SNTG1: variants seen among roughly 807,000 people sequenced by gnomAD.
The protein encoded by SNTG1 is gamma-1-syntrophin.
SNTG1 carries 39 observed loss-of-function variants against 74.7 expected under a neutral mutation model. The ratio of observed to expected loss-of-function variants is 0.52; its 90% CI spans 0.40 to 0.68. The LOEUF (loss-of-function observed/expected upper bound fraction) is 0.68, where lower values mean the gene tolerates loss of function less well. Ranked by LOEUF, SNTG1 falls within the 30% of genes least tolerant of loss-of-function variation. The pLI, the probability that SNTG1 is intolerant of heterozygous loss-of-function variation, is 0.00. For missense variants in SNTG1, 685 were observed against 609.5 expected (o/e 1.12, Z -1.30); for synonymous variants, 254 against 217.1 (o/e 1.17, Z -1.49).
rs571977409 is a variant in SNTG1 at position 50,756,225 on chromosome 8, G to T, written c.1395+4114G>T. On this transcript the variant is annotated intron_variant, in intron 18 of 18. Coordinates refer to ENST00000642720, the MANE Select transcript of SNTG1 (RefSeq NM_018967.5). Reference sequence around the variant, plus strand: ...TGTGTCTTTTTGCTCTCTTGAGAATGTCTTTCATAGAGCAGAAAATTTTAA... The same window carrying T: ...TGTGTCTTTTTGCTCTCTTGAGAATTTCTTTCATAGAGCAGAAAATTTTAA... Among the ~76,000 whole-genome samples the T allele has an allele frequency of 2.6e-5, 4 of 151,890 alleles. No individual in the cohort carries two copies. The South Asian group carries it at 8.3e-4, about 31-fold the overall frequency.
At chr8:50,779,024 G>A (rs573982458) in intron 18 of SNTG1, among the ~76,000 whole-genome samples, 27 of 152,106 alleles carry the variant, frequency 1.8e-4, no homozygotes, top group South Asian at 4.2e-4. Context: ...GATATGCGGC[G>A]TTATTTCTGA....
At chr8:50,535,236 T>C (rs566556912) in intron 10 of SNTG1, among the ~76,000 whole-genome samples, 2 of 152,236 alleles carry the variant, frequency 1.3e-5, no homozygotes, top group Admixed American at 1.3e-4. Flanking sequence ...ACTACAAAAC[T>C]TGCCCCCAGG....
At chr8:50,608,072 T>C (rs1317463571) in intron 13 of SNTG1, among the ~76,000 whole-genome samples, 1 of 151,686 alleles carries the variant, frequency 6.6e-6, no homozygotes, top group Non-Finnish European at 1.5e-5. Context: ...TCAGAGAACA[T>C]ATTTCACGTG....
chr8:50,221,236 G>A (rs1288836409), intron 2 of SNTG1, among the ~76,000 whole-genome samples: 1 of 151,974 alleles, frequency 6.6e-6, no homozygotes, highest in Non-Finnish European at 1.5e-5. Context: ...ATAAAAATTT[G>A]TATGACAGAG....
At chr8:50,029,068 G>A (rs1052515164) in intron 1 of SNTG1, among the ~76,000 whole-genome samples, 1 of 151,208 alleles carries the variant, frequency 6.6e-6, no homozygotes, top group East Asian at 1.9e-4. Flanking sequence ...CAAATCTTTT[G>A]TTTGTATTTT....
At chr8:50,091,260 C>T (rs2079725941) in intron 1 of SNTG1, among the ~76,000 whole-genome samples, 1 of 151,972 alleles carries the variant, frequency 6.6e-6, no homozygotes, top group African/African-American at 2.4e-5. Flanking sequence ...ACATAACGGT[C>T]TCGAATTTCT....
At chr8:50,090,275 G>C (rs1385436523) in intron 1 of SNTG1, among the ~76,000 whole-genome samples, 1 of 152,142 alleles carries the variant, frequency 6.6e-6, no homozygotes, top group Non-Finnish European at 1.5e-5. Context: ...GAATTGGTTG[G>C]CTCACGACTT....
chr8:50,226,707 A>C (rs749982277), intron 2 of SNTG1, among the ~76,000 whole-genome samples: 9 of 152,104 alleles, frequency 5.9e-5, no homozygotes, highest in Non-Finnish European at 1.3e-4. Flanking sequence ...AACCAAATCA[A>C]TGTGTTTCTT....
intron 2 of SNTG1, among the ~76,000 whole-genome samples, chr8:50,217,181 A>C (rs1417864731): frequency 6.6e-6 from 1 of 152,076 alleles, no homozygotes; most frequent in Non-Finnish European, 1.5e-5. Flanking sequence ...ATATGACTAC[A>C]TATTTAAATA....
intron 4 of SNTG1, among the ~76,000 whole-genome samples, chr8:50,437,971 A>T (rs2093321434): frequency 6.6e-6 from 1 of 152,230 alleles, no homozygotes; most frequent in African/African-American, 2.4e-5. Flanking sequence ...TTCAATTATC[A>T]TTATTACTTA....
intron 17 of SNTG1, among the ~76,000 whole-genome samples, chr8:50,750,683 G>A (rs1374847227): frequency 3.3e-5 from 5 of 151,954 alleles, no homozygotes; most frequent in African/African-American, 1.2e-4. Flanking sequence ...AGACTTGAAT[G>A]ACCCCTGGCA....
At chr8:50,285,970 A>G (rs1021715871) in intron 2 of SNTG1, among the ~76,000 whole-genome samples, 4 of 152,070 alleles carry the variant, frequency 2.6e-5, no homozygotes, top group African/African-American at 9.7e-5. Flanking sequence ...CTATTTCAAT[A>G]TTATGTTTTC....
At chr8:50,791,001 G>A (rs1422834505) in intron 18 of SNTG1, among the ~76,000 whole-genome samples, 3 of 151,960 alleles carry the variant, frequency 2.0e-5, no homozygotes, top group African/African-American at 7.2e-5. Flanking sequence ...AGAATGAATT[G>A]CTTATTTTTG....
chr8:50,623,703 A>G (rs985475000), intron 13 of SNTG1, among the ~76,000 whole-genome samples: 4 of 152,040 alleles, frequency 2.6e-5, no homozygotes, highest in Non-Finnish European at 4.4e-5. Flanking sequence ...GTTTTTATAT[A>G]TTGATTTTAA....
chr8:50,126,282 TGGTTGTGCCAGGCTGTGTA>T (rs1463401614), intron 1 of SNTG1, among the ~76,000 whole-genome samples: 1 of 152,120 alleles, frequency 6.6e-6, no homozygotes, highest in African/African-American at 2.4e-5. Flanking sequence ...TATTTTTAAT[TGGTTGTGCCAGGCTGTGTA>T]GGTTGTGCCA....
At chr8:50,088,360 T>A (rs1289148796) in intron 1 of SNTG1, among the ~76,000 whole-genome samples, 1 of 136,308 alleles carries the variant, frequency 7.3e-6, no homozygotes, top group Non-Finnish European at 1.6e-5. Context: ...AGGGATGCCC[T>A]CTCTCACCAC....
intron 1 of SNTG1, among the ~76,000 whole-genome samples, chr8:50,081,612 GTTTTTTTTGTTTTTGTTT>G (rs1207032855): frequency 1.3e-5 from 2 of 151,336 alleles, no homozygotes; most frequent in Non-Finnish European, 3.0e-5. Flanking sequence ...TGTTCACTTC[GTTTTTTTTGTTTTTGTTT>G]TTGTTTTTGT....
intron 3 of SNTG1, among the ~76,000 whole-genome samples, chr8:50,401,351 T>C (rs945467193): frequency 6.6e-6 from 1 of 152,198 alleles, no homozygotes; most frequent in African/African-American, 2.4e-5. Context: ...CAGGTTAATA[T>C]ATGTATTCTG....
intron 2 of SNTG1, among the ~76,000 whole-genome samples, chr8:50,276,665 A>C (rs1236628340): frequency 6.6e-6 from 1 of 152,058 alleles, no homozygotes; most frequent in African/African-American, 2.4e-5. Context: ...TGGTGTATTC[A>C]TCTGCCTCTC....
Sources: gnomAD v4.1 joint callset for allele counts (sites outside exome capture counted in the v4.1 genomes callset) on GRCh38, gnomAD v4.1.1 for gene constraint, MANE v1.5 for transcripts, NCBI Gene and HGNC (gene_info 2026-07-23, HGNC 2026-07-21) for gene names.